The following MZT2B variants were observed in gnomAD, a reference collection of about 807,000 sequenced individuals.
MZT2B encodes the protein mitotic spindle organizing protein 2B.
In MZT2B, 11 loss-of-function variants were observed where a neutral mutation model predicts 12.1. That is an observed-to-expected ratio of 0.91 (90% confidence interval 0.57 to 1.50). MZT2B has a LOEUF of 1.50. MZT2B is among the 40% of genes most tolerant of loss of function. The pLI, the probability that MZT2B is intolerant of heterozygous loss-of-function variation, is 0.00. For synonymous variants in MZT2B, 85 were observed against 109.5 expected (o/e 0.78, Z 1.40); for missense variants, 209 against 227.7 (o/e 0.92, Z 0.53).
At chr2:130,185,808 C>G (rs1269791278) in intron 2 of MZT2B, among the ~76,000 whole-genome samples, 1 of 151,978 alleles carries the variant, frequency 6.6e-6, no homozygotes, top group Non-Finnish European at 1.5e-5. Context: ...GAGAATTTAC[C>G]CAAGGACAGG....
chr2:130,186,534 C>T (rs1404130913), intron 2 of MZT2B, among the ~76,000 whole-genome samples: 1 of 152,238 alleles, frequency 6.6e-6, no homozygotes, highest in East Asian at 1.9e-4. Context: ...AGCCATCTCA[C>T]CTGAGCTGTG....
chr2:130,183,558 C>T lies in MZT2B; in HGVS notation c.319+783C>T, dbSNP rs542163779. The T allele has an allele frequency of 2.0e-4, 138 of 689,798 alleles. No individual in the cohort carries two copies. The African/African-American group carries it at 2.1e-3, about 10-fold the overall frequency. The allele number at this position is 689,798 out of a possible 1,614,324, so 42.7% of individuals were successfully genotyped here. A position where few individuals can be genotyped will look rare whatever the true frequency, so the allele number is the denominator to read the frequency against. On this transcript the variant is annotated intron_variant, in intron 2 of 2. Coordinates refer to ENST00000281871, the MANE Select transcript of MZT2B (RefSeq NM_025029.5). ...TGGCTCTCTCTGAAATGCAGCACAA[C>T]CTCCTAGGCCAATGGAAGAAGGCCC...
rs1326133165 is a variant in MZT2B, at chr2:130,182,759, C to T, written c.303C>T (p.Ser101=). The T allele has an allele frequency of 6.6e-7, 1 of 1,509,222 alleles. No individual in the cohort carries two copies. Among genetic ancestry groups the T allele is most frequent in the South Asian group, 1.3e-5 (1 of 78,856 alleles). The allele number at this position is 1,509,222 out of a possible 1,614,324, so 93.5% of individuals were successfully genotyped here. The change falls in exon 2 of 3, where the codon AGC becomes AGT. Residue 101 remains serine (S), a synonymous_variant. Coordinates refer to ENST00000281871, the MANE Select transcript of MZT2B (RefSeq NM_025029.5). ...CGGCCGTGTCTCTGCCCACGTCGAG[C>T]GTGCCCGAGACCCGAGGTCAGAGCT... ...DPAAVSLPTS[S]VPETRGRNKG... is the part of the protein sequence containing the mutation.
chr2:130,193,986 G>C, downstream of MZT2B: 1 of 1,614,176 alleles, frequency 6.2e-7, no homozygotes, highest in Non-Finnish European at 8.5e-7. Context: ...GCCACAGACA[G>C]CTGCTCGTGG....
intron 2 of MZT2B, chr2:130,183,685 C>T: frequency 6.5e-7 from 1 of 1,541,810 alleles, no homozygotes; most frequent in Non-Finnish European, 8.8e-7. Context: ...AGGGCCTGGG[C>T]ACCCACACCC....
upstream of MZT2B, chr2:130,182,001 C>G: frequency 7.3e-7 from 1 of 1,376,986 alleles, no homozygotes; most frequent in East Asian, 3.2e-5. Flanking sequence ...CCTAAGCGAG[C>G]ACGACCAATG....
chr2:130,182,862 T>C (rs1169226329), intron 2 of MZT2B, 87 bp downstream of exon 2: 2 of 1,458,530 alleles, frequency 1.4e-6, no homozygotes, highest in Non-Finnish European at 1.8e-6. Flanking sequence ...GGCGTGGCCC[T>C]GAGTGGCCAG....
chr2:130,204,636 A>AG, the MZT2B span, among the ~76,000 whole-genome samples: 74 of 146,076 alleles, frequency 5.1e-4, no homozygotes, highest in Non-Finnish European at 9.6e-4. Flanking sequence ...GGTTGCAGTG[A>AG]GCCAAGATCA....
At chr2:130,182,595 G>A (rs1257218011) in intron 1 of MZT2B, 32 bp from the exon 2 acceptor site, 4 of 1,556,458 alleles carry the variant, frequency 2.6e-6, no homozygotes, top group African/African-American at 2.7e-5. Flanking sequence ...CGGGCGGAGA[G>A]GGCTCACCGG....
the MZT2B span, among the ~76,000 whole-genome samples, chr2:130,200,306 G>T: frequency 8.0e-5 from 12 of 150,586 alleles, no homozygotes; most frequent in African/African-American, 2.9e-4. Context: ...CAGGAGGATG[G>T]CATGAACCCG....
chr2:130,190,825 T>C, downstream of MZT2B: 1 of 1,200,362 alleles, frequency 8.3e-7, no homozygotes, highest in Non-Finnish European at 1.1e-6. Flanking sequence ...CACAGTGAAC[T>C]AACCAGGTCC....
chr2:130,201,263 G>T, the MZT2B span, among the ~76,000 whole-genome samples: 1 of 152,222 alleles, frequency 6.6e-6, no homozygotes, highest in East Asian at 1.9e-4. Flanking sequence ...CTTCTCCCCA[G>T]GAGGGTGAAT....
chr2:130,184,881 C>A (rs574423433), intron 2 of MZT2B: 1 of 985,238 alleles, frequency 1.0e-6, no homozygotes. Flanking sequence ...AAACCACCAG[C>A]GAGACCAGTG....
At chr2:130,185,346 G>A (rs909516711) in intron 2 of MZT2B, among the ~76,000 whole-genome samples, 35 of 151,580 alleles carry the variant, frequency 2.3e-4, no homozygotes, top group Non-Finnish European at 4.4e-5. Flanking sequence ...GGGCATGGTG[G>A]TGGCGCCCAT....
At chr2:130,184,370 A>C (rs947103647) in intron 2 of MZT2B, 43 of 985,296 alleles carry the variant, frequency 4.4e-5, no homozygotes, top group Non-Finnish European at 5.1e-5. Context: ...GCTGAAACAG[A>C]GACTCCCACC....
At chr2:130,193,231 C>G (rs1299084700), downstream of MZT2B, among the ~76,000 whole-genome samples, 1 of 151,074 alleles carries the variant, frequency 6.6e-6, no homozygotes, top group Admixed American at 6.6e-5. Flanking sequence ...GCCTGAGAGA[C>G]AAAGCGAGAC....
chr2:130,195,474 G>T (rs1466529299), downstream of MZT2B, among the ~76,000 whole-genome samples: 1 of 152,248 alleles, frequency 6.6e-6, no homozygotes, highest in Non-Finnish European at 1.5e-5. Flanking sequence ...CCAGTTCCCA[G>T]TGAAAGGAAA....
intron 2 of MZT2B, chr2:130,184,187 AG>A: frequency 6.9e-7 from 1 of 1,444,960 alleles, no homozygotes; most frequent in Non-Finnish European, 9.1e-7. Flanking sequence ...ATCTGGGGAC[AG>A]GACCAACACC....
the MZT2B span, among the ~76,000 whole-genome samples, chr2:130,199,405 C>T: frequency 8.3e-6 from 1 of 120,122 alleles, no homozygotes; most frequent in African/African-American, 3.0e-5. Context: ...ATAAAATTAG[C>T]AAGGCATGGT....
Sources: gnomAD v4.1 joint callset for allele counts (sites outside exome capture counted in the v4.1 genomes callset) on GRCh38, gnomAD v4.1.1 for gene constraint, MANE v1.5 for transcripts, NCBI Gene and HGNC (gene_info 2026-07-23, HGNC 2026-07-21) for gene names.